The following DAB1 variants were observed in gnomAD, a reference collection of about 807,000 sequenced individuals.
DAB1 encodes the protein disabled homolog 1.
DAB1 carries 15 observed loss-of-function variants against 64.6 expected under a neutral mutation model. The ratio of observed to expected loss-of-function variants is 0.23; its 90% confidence interval spans 0.16 to 0.36. The LOEUF is 0.36. DAB1 is among the 10% of genes least tolerant of loss of function. The pLI, the probability that DAB1 is intolerant of heterozygous loss-of-function variation, is 1.00. For missense variants in DAB1, 596 were observed against 706.7 expected (o/e 0.84, Z 1.78); for synonymous variants, 235 against 251.9 (o/e 0.93, Z 0.64).
chr1:58,081,841 T>G (rs759761468), intron 5 of DAB1, among the ~76,000 whole-genome samples: 5 of 152,192 alleles, frequency 3.3e-5, no homozygotes, highest in Non-Finnish European at 5.9e-5. Flanking sequence ...TGTACTTTCT[T>G]CTGAGAAATT....
At chr1:57,999,879 G>A (rs1646480503) in intron 5 of DAB1, among the ~76,000 whole-genome samples, 1 of 150,478 alleles carries the variant, frequency 6.6e-6, no homozygotes, top group Admixed American at 6.7e-5. Context: ...GAGAAAGAAA[G>A]AAGAGAAGGA....
chr1:57,206,515 G>T (rs1355020097), intron 2 of DAB1, among the ~76,000 whole-genome samples: 3 of 152,150 alleles, frequency 2.0e-5, no homozygotes, highest in Admixed American at 6.5e-5. Context: ...AAAATCTCAG[G>T]TCGCATGTGC....
chr1:58,228,192 T>C (rs545916720), intron 4 of DAB1, among the ~76,000 whole-genome samples: 1 of 152,266 alleles, frequency 6.6e-6, no homozygotes, highest in South Asian at 2.1e-4. Context: ...CTGGAGATAG[T>C]TCCAAGTAAG....
At chr1:57,920,114 C>A (rs1569994451) in intron 5 of DAB1, among the ~76,000 whole-genome samples, 1 of 152,100 alleles carries the variant, frequency 6.6e-6, no homozygotes, top group Admixed American at 6.5e-5. Context: ...GCTATTAAGG[C>A]AGAGAGGTGA....
At chr1:58,212,336 T>A (rs1658600463) in intron 4 of DAB1, among the ~76,000 whole-genome samples, 1 of 152,182 alleles carries the variant, frequency 6.6e-6, no homozygotes, top group African/African-American at 2.4e-5. Context: ...ATTATACCCA[T>A]CTTACAGATG....
intron 5 of DAB1, among the ~76,000 whole-genome samples, chr1:58,127,445 CA>C (rs1402149327): frequency 2.0e-5 from 3 of 150,612 alleles, no homozygotes; most frequent in African/African-American, 7.3e-5. Context: ...TTTTGCTGTG[CA>C]GAAGCTCTTT....
At chr1:57,067,832 T>C (rs1651074302) in intron 8 of DAB1, among the ~76,000 whole-genome samples, 1 of 152,218 alleles carries the variant, frequency 6.6e-6, no homozygotes, top group Non-Finnish European at 1.5e-5. Context: ...CCACATTTTG[T>C]GACCCATGAT....
Position 57,355,873 on chromosome 1 carries a change from AACACACACACACACACAC to A in DAB1, c.-136-64725_-136-64708del, listed in dbSNP as rs10529674. Among the ~76,000 whole-genome samples the A allele has an allele frequency of 7.5e-5, 11 of 146,318 alleles. No homozygotes were observed. In the South Asian group the frequency reaches 1.6e-3, roughly 21 times the overall value. ...CTAGCTTTTTTGTTAAACCTCAATA[AACACACACACACACACAC>A]ACACACACACACACACACACACACA... On this transcript the variant is annotated intron_variant, in intron 1 of 14. Transcript: ENST00000371236.
At chr1:58,489,323 G>A (rs959987429) in intron 3 of DAB1, among the ~76,000 whole-genome samples, 8 of 152,216 alleles carry the variant, frequency 5.3e-5, no homozygotes, top group South Asian at 4.1e-4. Flanking sequence ...AGGGTCCTAC[G>A]CCCACAGAGC....
chr1:57,897,342 C>G (rs569338948), intron 5 of DAB1, among the ~76,000 whole-genome samples: 1 of 152,046 alleles, frequency 6.6e-6, no homozygotes, highest in Non-Finnish European at 1.5e-5. Context: ...AACAAGAGAA[C>G]GAGACAGGCA....
chr1:58,212,823 T>C (rs563968171), intron 4 of DAB1, among the ~76,000 whole-genome samples: 2 of 152,274 alleles, frequency 1.3e-5, no homozygotes, highest in East Asian at 1.9e-4. Flanking sequence ...CTGATTCAAG[T>C]TCCATTTGGG....
intron 4 of DAB1, among the ~76,000 whole-genome samples, chr1:57,101,044 T>C (rs1440968411): frequency 6.6e-6 from 1 of 152,062 alleles, no homozygotes; most frequent in African/African-American, 2.4e-5. Context: ...AGCAGCACAG[T>C]CAGGATTTGA....
rs143321793 is a variant in DAB1, at chr1:58,292,788, A to C, written n.309+50564T>G. ...GCAAAGATTGGTGGACCATGTTGAA[A>C]TATTGGAGATCCTGTAGTCTAATAT... On this transcript the variant is annotated intron_variant and non_coding_transcript_variant, in intron 4 of 20. Transcript: ENST00000485760. Among the ~76,000 whole-genome samples, 45 of 152,336 alleles carry C rather than the reference A, an allele frequency of 3.0e-4. 1 individual carries two copies. Among genetic ancestry groups the C allele is most frequent in the African/African-American group, 1.1e-3 (44 of 41,592 alleles).
chr1:57,478,356 C>G (rs1305129477), intron 7 of DAB1, among the ~76,000 whole-genome samples: 1 of 152,166 alleles, frequency 6.6e-6, no homozygotes, highest in East Asian at 1.9e-4. Context: ...TGAAACTGTA[C>G]AAAATTTAGA....
intron 2 of DAB1, among the ~76,000 whole-genome samples, chr1:57,213,292 A>C (rs1336030337): frequency 6.6e-6 from 1 of 152,180 alleles, no homozygotes; most frequent in Non-Finnish European, 1.5e-5. Context: ...GATTTTTGAC[A>C]ATCTTTTTCT....
chr1:57,477,851 A>G (rs1643957008), intron 7 of DAB1, among the ~76,000 whole-genome samples: 2 of 152,162 alleles, frequency 1.3e-5, no homozygotes, highest in Non-Finnish European at 2.9e-5. Flanking sequence ...ACTTTACAAT[A>G]AATTACACAC....
Position 57,806,669 on chromosome 1 carries a change from G to A in DAB1, n.551+77330C>T, listed in dbSNP as rs549042129. On this transcript the variant is annotated intron_variant and non_coding_transcript_variant, in intron 6 of 20. Coordinates refer to the DAB1 transcript ENST00000485760. ...CTTTGTTATGGCATCCCTAGAAAACGAATATAAAACCTTTTTGCTCGTTCT... is the reference window on the plus strand; with the variant it reads ...CTTTGTTATGGCATCCCTAGAAAACAAATATAAAACCTTTTTGCTCGTTCT... 2.2e-3 allele frequency among the ~76,000 whole-genome samples: 328 copies of A among 152,208 alleles called. 2 individuals carry two copies. Among genetic ancestry groups the A allele is most frequent in the African/African-American group, 7.6e-3 (317 of 41,540 alleles).
rs115122366 is a variant in DAB1 at position 57,389,021 on chromosome 1, T to C, written c.-137+34909A>G. 6.5e-3 allele frequency among the ~76,000 whole-genome samples: 996 copies of C among 152,306 alleles called. 12 individuals carry two copies. Among genetic ancestry groups the C allele is most frequent in the African/African-American group, 0.022 (926 of 41,572 alleles). On this transcript the variant is annotated intron_variant, in intron 1 of 14. Transcript: ENST00000371236. ...AGAAGGACATTTCAAAGATATTCTC[T>C]TTCACACCACAAAAGTAACTGACAA...
chr1:57,031,183 G>A (rs982050292), intron 9 of DAB1, among the ~76,000 whole-genome samples: 3 of 152,152 alleles, frequency 2.0e-5, no homozygotes, highest in Non-Finnish European at 4.4e-5. Flanking sequence ...TTGGTTTGCT[G>A]TTTAAATAGA....
Sources: allele counts gnomAD v4.1 joint callset (sites outside exome capture counted in the v4.1 genomes callset), GRCh38; gene constraint gnomAD v4.1.1; transcripts MANE v1.5; gene names NCBI Gene and HGNC (gene_info 2026-07-23, HGNC 2026-07-21).